Variants in IRAG2 observed in about 807,000 individuals in gnomAD.
IRAG2 encodes the protein lymphoid restricted membrane protein.
In IRAG2, 45 loss-of-function variants were observed where a neutral mutation model predicts 69.9. The observed-to-expected ratio is 0.64, with a 90% CI of 0.51 to 0.83. IRAG2 has a LOEUF of 0.83. IRAG2 is among the 40% of genes least tolerant of loss of function. IRAG2 has a pLI of 0.00. For synonymous variants in IRAG2, 193 were observed against 202.4 expected (o/e 0.95, Z 0.40); for missense variants, 520 against 587.0 (o/e 0.89, Z 1.18).
At chr12:25,091,020 T>C (rs961386202) in intron 14 of IRAG2, 1 of 193,284 alleles carries the variant, frequency 5.2e-6, no homozygotes, top group African/African-American at 2.4e-5. Context: ...ACTATTATCC[T>C]TCCATATGGT....
At chr12:25,077,220 A>T (rs867937982) in intron 6 of IRAG2, among the ~76,000 whole-genome samples, 4 of 36,710 alleles carry the variant, frequency 1.1e-4, no homozygotes, top group African/African-American at 4.4e-4. Flanking sequence ...ATATATATGA[A>T]ATATATATGA....
chr12:25,040,622 A>C (rs928203537), intron 16 of IRAG2, among the ~76,000 whole-genome samples: 13 of 152,164 alleles, frequency 8.5e-5, no homozygotes, highest in African/African-American at 3.1e-4. Context: ...ATTAAAGGTA[A>C]ATTTTTAGGG....
rs539187759 is a variant in IRAG2, at chr12:25,013,402, C to T, written c.897-1780C>T. ...CTGAAGCAGGAGGATTGCTTGAGCC[C>T]AGGAGTTTGAGGCTGCAGTAAGCTG... is the stretch of plus-strand genomic sequence containing the variant. On this transcript the variant is annotated intron_variant, in intron 3 of 38. Transcript: ENST00000636465. 3.5e-3 allele frequency among the ~76,000 whole-genome samples: 530 copies of T among 152,244 alleles called. 1 individual carries two copies. The highest frequency in any genetic ancestry group is 0.012 in the African/African-American group (507 of 41,554).
intron 15 of IRAG2, among the ~76,000 whole-genome samples, chr12:25,099,870 C>T (rs1031604839): frequency 1.6e-4 from 24 of 151,574 alleles, no homozygotes; most frequent in African/African-American, 4.6e-4. Flanking sequence ...TGTGGTGGCA[C>T]GTGCCTATAA....
intron 8 of IRAG2, among the ~76,000 whole-genome samples, chr12:25,025,760 A>G (rs1232140229): frequency 6.6e-6 from 1 of 152,210 alleles, no homozygotes; most frequent in Non-Finnish European, 1.5e-5. Flanking sequence ...TTGGATCAGG[A>G]AATGCTTTGT....
intron 6 of IRAG2, among the ~76,000 whole-genome samples, chr12:25,018,234 ACACC>A (rs1286776393): frequency 9.4e-6 from 1 of 106,082 alleles, no homozygotes; most frequent in Non-Finnish European, 1.8e-5. Context: ...TGTCACTTTG[ACACC>A]CAGGCTGTAG....
In IRAG2 at chr12:25,077,266, A is replaced by AATATATATATGAAATATATATGAT. The variant is rs57883311; in HGVS notation, c.25-1970_25-1969insATGAAATATATATGATATATATAT. Reference sequence around the variant, plus strand: ...AAATATATATATGATATATATATGAAATATATATGAAATATATATGATATA... The same window carrying AATATATATATGAAATATATATGAT: ...AAATATATATATGATATATATATGAAATATATATATGAAATATATATGATATATATATGAAATATATATGATATA... On this transcript the variant is annotated intron_variant, in intron 6 of 21. Coordinates refer to ENST00000556887, the MANE Select transcript of IRAG2 (RefSeq NM_001366544.2). Among the ~76,000 whole-genome samples the AATATATATATGAAATATATATGAT allele has an allele frequency of 8.4e-3, 276 of 32,788 alleles. 35 individuals carry two copies. The highest frequency in any genetic ancestry group is 0.029 in the South Asian group (27 of 944). The allele number at this position is 32,788 out of a possible 152,430, so 21.5% of individuals were successfully genotyped here. A position where few individuals can be genotyped will look rare whatever the true frequency, so the allele number is the denominator to read the frequency against.
intron 6 of IRAG2, among the ~76,000 whole-genome samples, chr12:25,077,361 G>GAAATATATATATGAT (rs376884646): frequency 9.4e-3 from 119 of 12,712 alleles, no homozygotes; most frequent in Non-Finnish European, 0.012. Context: ...TGATATATAT[G>GAAATATATATATGAT]ATATATATGA....
intron 14 of IRAG2, chr12:25,093,887 T>A (rs981872869): frequency 6.5e-6 from 1 of 152,788 alleles, no homozygotes; most frequent in Non-Finnish European, 1.5e-5. Flanking sequence ...CTGCACTCAA[T>A]GTGGCAGGGC....
intron 9 of IRAG2, among the ~76,000 whole-genome samples, chr12:25,029,670 T>G (rs1372678531): frequency 6.6e-6 from 1 of 151,436 alleles, no homozygotes; most frequent in Non-Finnish European, 1.5e-5. Context: ...ACAATATGTT[T>G]TTTTTTTTTA....
At chr12:25,010,408 T>C (rs1591922565) in intron 2 of IRAG2, among the ~76,000 whole-genome samples, 1 of 152,040 alleles carries the variant, frequency 6.6e-6, no homozygotes, top group Middle Eastern at 3.4e-3. Flanking sequence ...GCCCAAGAGA[T>C]TGAGGTTGCA....
chr12:25,026,062 A>G (rs1944619102), intron 8 of IRAG2, among the ~76,000 whole-genome samples: 1 of 152,188 alleles, frequency 6.6e-6, no homozygotes, highest in South Asian at 2.1e-4. Flanking sequence ...GACAGTATGT[A>G]CCTGAATGGG....
At chr12:25,055,517 T>C (rs1945185447) in intron 1 of IRAG2, among the ~76,000 whole-genome samples, 1 of 152,192 alleles carries the variant, frequency 6.6e-6, no homozygotes, top group Non-Finnish European at 1.5e-5. Flanking sequence ...TGCAGGTTTG[T>C]TATATATGTA....
chr12:25,042,700 C>T (rs1028936732), intron 16 of IRAG2, among the ~76,000 whole-genome samples: 3 of 151,564 alleles, frequency 2.0e-5, no homozygotes, highest in Non-Finnish European at 4.4e-5. Context: ...CTCTTGACCT[C>T]GTGATCCACC....
rs1209344394 is a variant in IRAG2, at chr12:25,089,783, A to G, written c.458A>G (p.Glu153Gly). The change falls in exon 13 of 22, where the codon GAG (glutamate) becomes GGG (glycine). Residue 153 changes from glutamate to glycine, a missense_variant. Glu to Gly is a moderately conservative substitution (Grantham distance 98). Coordinates refer to ENST00000556887, the MANE Select transcript of IRAG2 (RefSeq NM_001366544.2). Reference protein sequence around the residue: ...QSENTSANEKEVEAEFLRLSL... With the variant: ...QSENTSANEKGVEAEFLRLSL... ...TACAGCACTTCTGCTAATGAGAAGG[A>G]GGTGGAGGTGAGTTTAAAGCAAATT... 2 of 1,613,120 alleles carry G rather than the reference A, an allele frequency of 1.2e-6. No individual in the cohort carries two copies. The highest frequency in any genetic ancestry group is 2.2e-5 in the South Asian group (2 of 91,024).
In IRAG2 at chr12:25,078,467, A is replaced by G. The variant is rs181864270; in HGVS notation, c.25-777A>G. Among the ~76,000 whole-genome samples, 583 of 152,336 alleles carry G rather than the reference A, an allele frequency of 3.8e-3. 1 individual carries two copies. The highest frequency in any genetic ancestry group is 6.8e-3 in the Middle Eastern group (2 of 294). ...TCTTTTTACTTTGTGTAGGTTTTCC[A>G]TATGTCTGAATGATTTCAGTTTTAT... On this transcript the variant is annotated intron_variant, in intron 6 of 21. Transcript: ENST00000556887.
At chr12:25,013,903 C>G (rs1387622224) in intron 3 of IRAG2, among the ~76,000 whole-genome samples, 1 of 99,052 alleles carries the variant, frequency 1.0e-5, no homozygotes, top group African/African-American at 3.9e-5. Context: ...GAGACAGAGT[C>G]TCGCTCTGTT....
At chr12:25,003,729 T>C (rs186578013), upstream of IRAG2, among the ~76,000 whole-genome samples, 3 of 152,222 alleles carry the variant, frequency 2.0e-5, no homozygotes, top group East Asian at 3.9e-4. Flanking sequence ...TCCTTATCTA[T>C]AAAAGGAGGA....
the IRAG2 span, among the ~76,000 whole-genome samples, chr12:24,999,141 G>C: frequency 6.6e-6 from 1 of 152,132 alleles, no homozygotes; most frequent in Non-Finnish European, 1.5e-5. Flanking sequence ...AAGAAATATT[G>C]TCTACATTGT....
Sources: gnomAD v4.1 joint callset for allele counts (sites outside exome capture counted in the v4.1 genomes callset) on GRCh38, gnomAD v4.1.1 for gene constraint, MANE v1.5 for transcripts, NCBI Gene and HGNC (gene_info 2026-07-23, HGNC 2026-07-21) for gene names.